GSTM5: variants seen among roughly 807,000 people sequenced by gnomAD.
GSTM5 encodes GST class-mu 5.
In GSTM5, 24 loss-of-function variants were observed where a neutral mutation model predicts 29.0. The observed-to-expected ratio is 0.83, with a 90% CI of 0.60 to 1.16. GSTM5 has a LOEUF of 1.16. Ranked by LOEUF, GSTM5 falls within the 50% of genes most tolerant of loss-of-function variation. The pLI, the probability that GSTM5 is intolerant of heterozygous loss-of-function variation, is 0.00. For missense variants in GSTM5, 290 were observed against 263.0 expected (o/e 1.10, Z -0.71); for synonymous variants, 91 against 93.6 (o/e 0.97, Z 0.16).
chr1:109,714,836 G>T, intron 5 of GSTM5, 111 bp from the exon 6 acceptor site: 1 of 977,276 alleles, frequency 1.0e-6, no homozygotes, highest in Non-Finnish European at 1.6e-6. Context: ...TTAGTTGTGG[G>T]GAAGATGGCT....
chr1:109,714,594 T>G (rs535548828), intron 5 of GSTM5: 3 of 292,014 alleles, frequency 1.0e-5, no homozygotes, highest in Admixed American at 9.5e-5. Flanking sequence ...ACTTTCTACT[T>G]CTTTCCCTGA....
chr1:109,715,776 T>C (rs1648725033), intron 7 of GSTM5: 1 of 403,742 alleles, frequency 2.5e-6, no homozygotes, highest in East Asian at 6.3e-5. Flanking sequence ...GACCCCCATG[T>C]GGAAAATCCT....
In GSTM5 at chr1:109,712,296, C is replaced by T. The variant is rs1648545041; in HGVS notation, c.-17C>T. ...CTCCGCTGATGCCTGTCTGCAGAAT[C>T]CGCACCAACCAGCACCATGCCCATG... On this transcript the variant is annotated 5_prime_UTR_variant, in exon 1 of 8. Transcript: ENST00000256593. 6.2e-7 allele frequency: 1 copy of T among 1,613,934 alleles called. No homozygotes were observed. Among genetic ancestry groups the T allele is most frequent in the Non-Finnish European group, 8.5e-7 (1 of 1,179,936 alleles).
upstream of GSTM5, among the ~76,000 whole-genome samples, chr1:109,712,035 C>G (rs1168042252): frequency 1.3e-5 from 2 of 152,114 alleles, no homozygotes; most frequent in African/African-American, 4.8e-5. Context: ...CATGGAGCCT[C>G]AGGGCGGGTT....
Position 109,715,130 on chromosome 1 carries a change from AT to A in GSTM5, c.458del (p.Ile153ThrfsTer14), listed in dbSNP as rs747028227. On this transcript the variant is annotated frameshift_variant and splice_region_variant, in exon 7 of 8. Coordinates refer to ENST00000256593, the MANE Select transcript of GSTM5 (RefSeq NM_000851.4). LOFTEE classifies it high-confidence loss of function. ...CCCACACATTCTTGGCCTTCTTCAG[AT>A]CACCTTTGTGGATTTCCTTGCCTAT... The part of the protein sequence containing the change: ...GKRPWFAGDK[I>X]TFVDFLAYDV... 1.9e-6 allele frequency: 3 copies of A among 1,614,210 alleles called. No individual in the cohort carries two copies. The highest frequency in any genetic ancestry group is 2.5e-6 in the Non-Finnish European group (3 of 1,180,026).
chr1:109,712,580 C>A (rs1363345738), intron 1 of GSTM5, 38 bp from the exon 2 acceptor site: 1 of 1,607,464 alleles, frequency 6.2e-7, no homozygotes, highest in African/African-American at 1.3e-5. Flanking sequence ...GTCAGGGACC[C>A]TCCATCTCTG....
At chr1:109,715,994 T>G (rs1156983305) in intron 7 of GSTM5, 1 of 879,824 alleles carries the variant, frequency 1.1e-6, no homozygotes, top group Non-Finnish European at 1.7e-6. Context: ...CTCCTCTGCA[T>G]GAGGCAGGGT....
chr1:109,714,893 C>T (rs1648689053), intron 5 of GSTM5, 54 bp from the exon 6 acceptor site: 8 of 1,578,064 alleles, frequency 5.1e-6, no homozygotes, highest in Middle Eastern at 1.7e-4. Flanking sequence ...GGGGAGGCCA[C>T]GTCTGTGCAG....
At position 109,715,189 on chromosome 1, in the gene GSTM5, C is replaced by T; in HGVS notation, c.516C>T (p.Pro172=). The T allele has an allele frequency of 6.2e-7, 1 of 1,614,222 alleles. No individual in the cohort carries two copies. The highest frequency in any genetic ancestry group is 8.5e-7 in the Non-Finnish European group (1 of 1,180,030). Residue 172 remains proline (P), a synonymous_variant, in exon 7 of 8, where the codon CCC becomes CCT. Coordinates refer to ENST00000256593, the MANE Select transcript of GSTM5 (RefSeq NM_000851.4). The part of the protein sequence containing the change: ...DVLDMKRIFE[P]KCLDAFLNLK... Reference sequence around the variant, plus strand: ...TTGACATGAAGCGTATATTTGAGCCCAAGTGCTTGGACGCCTTCCTAAACT... The same window carrying T: ...TTGACATGAAGCGTATATTTGAGCCTAAGTGCTTGGACGCCTTCCTAAACT...
chr1:109,714,280 GC>G (rs1228126527), intron 5 of GSTM5: 3 of 160,310 alleles, frequency 1.9e-5, no homozygotes, highest in African/African-American at 7.2e-5. Context: ...ATCTCCTCTG[GC>G]CTCTGGCCTC....
intron 6 of GSTM5, 24 bp from the exon 7 acceptor site, chr1:109,715,106 C>T (rs1332512734): frequency 6.2e-7 from 1 of 1,614,008 alleles, no homozygotes; most frequent in Non-Finnish European, 8.5e-7. Context: ...GGTTTTCAGC[C>T]CACACATTCT....
intron 5 of GSTM5, 27 bp from the exon 6 acceptor site, chr1:109,714,920 G>C (rs1424106818): frequency 1.2e-6 from 2 of 1,612,442 alleles, no homozygotes; most frequent in Non-Finnish European, 1.7e-6. Context: ...TTTGTCTGAG[G>C]GTGGTGACAG....
In GSTM5 at chr1:109,713,722, C is replaced by A. The variant is rs144915668; in HGVS notation, c.321C>A (p.Asn107Lys). 1 of 1,611,684 alleles carries A rather than the reference C, an allele frequency of 6.2e-7. No homozygotes were observed. Among genetic ancestry groups the A allele is most frequent in the Non-Finnish European group, 8.5e-7 (1 of 1,179,594 alleles). Reference sequence around the variant, plus strand: ...TTTTGGAGAACCAGGTTATGGATAACCACATGGAGCTGGTCAGACTGTGCT... The same window carrying A: ...TTTTGGAGAACCAGGTTATGGATAAACACATGGAGCTGGTCAGACTGTGCT... The part of the protein sequence containing the change: ...VDILENQVMD[N>K]HMELVRLCYD... The change falls in exon 5 of 8, where the codon AAC (asparagine) becomes AAA (lysine). Residue 107 changes from asparagine to lysine, a missense_variant. Asn to Lys is a moderately conservative substitution (Grantham distance 94, BLOSUM62 0). Transcript: ENST00000256593.
At chr1:109,716,993 A>G (rs1648766015) in intron 7 of GSTM5, 1 of 175,418 alleles carries the variant, frequency 5.7e-6, no homozygotes, top group African/African-American at 2.4e-5. Context: ...AAGTTGCTGA[A>G]CTTCTGTTCT....
intron 5 of GSTM5, chr1:109,713,967 G>A (rs571059945): frequency 4.5e-6 from 2 of 439,560 alleles, no homozygotes; most frequent in South Asian, 4.5e-5. Flanking sequence ...CGGACAACTG[G>A]ATGCAACTGG....
At chr1:109,712,903 T>C (rs1171913035) in intron 2 of GSTM5, 2 of 839,312 alleles carry the variant, frequency 2.4e-6, no homozygotes, top group East Asian at 2.7e-5. Context: ...GGGTTGGGTG[T>C]CCCTCAGAGC....
Position 109,717,383 on chromosome 1 carries a change from G to C in GSTM5, c.614G>C (p.Arg205Pro). The C allele has an allele frequency of 6.2e-7, 1 of 1,614,006 alleles. No homozygotes were observed. Among genetic ancestry groups the C allele is most frequent in the African/African-American group, 1.3e-5 (1 of 75,010 alleles). ...TACATGAAGTCCAGCCAATTCCTCC[G>C]AGGTCTTTTGTTTGGAAAGTCAGCT... ...SAYMKSSQFL[R>P]GLLFGKSATW... The change falls in exon 8 of 8, where the codon CGA (arginine) becomes CCA (proline). Residue 205 changes from arginine to proline, a missense_variant. Coordinates refer to ENST00000256593, the MANE Select transcript of GSTM5 (RefSeq NM_000851.4).
At chr1:109,717,121 T>G in intron 7 of GSTM5, 6 of 232,338 alleles carry the variant, frequency 2.6e-5, no homozygotes, top group South Asian at 1.9e-4. Context: ...AGATCTTTCG[T>G]AAATGGTAGC....
intron 2 of GSTM5, 171 bp from the exon 3 acceptor site, chr1:109,712,948 G>T (rs1353325988): frequency 3.2e-6 from 3 of 929,202 alleles, no homozygotes; most frequent in South Asian, 1.5e-5. Context: ...CCGTTGTGGG[G>T]TCCAGAGCCC....
Sources: gnomAD v4.1 joint callset for allele counts (sites outside exome capture counted in the v4.1 genomes callset) on GRCh38, gnomAD v4.1.1 for gene constraint, MANE v1.5 for transcripts, NCBI Gene and HGNC (gene_info 2026-07-23, HGNC 2026-07-21) for gene names.